Variants in AUTS2 observed in about 807,000 individuals in gnomAD.
AUTS2 encodes the protein activator of transcription and developmental regulator AUTS2, also known as autism susceptibility gene 2 protein.
A neutral mutation model predicts 112.4 loss-of-function variants in AUTS2; 17 were observed. That is an observed-to-expected ratio of 0.15 (90% confidence interval 0.10 to 0.23). AUTS2 has a LOEUF of 0.23. Among genes scored for constraint, AUTS2 ranks in the 10% least tolerant of loss-of-function variants. The pLI is 1.00. For missense variants in AUTS2, 1,510 were observed against 1,701.6 expected (o/e 0.89, Z 1.98); for synonymous variants, 751 against 702.7 (o/e 1.07, Z -1.09).
intron 1 of AUTS2, among the ~76,000 whole-genome samples, chr7:69,718,134 A>G (rs751469214): frequency 1.3e-5 from 2 of 152,220 alleles, no homozygotes. Context: ...CCTATAATAC[A>G]AAGATTATCA....
At chr7:69,886,805 G>GTC (rs1235503417) in intron 1 of AUTS2, among the ~76,000 whole-genome samples, 1 of 150,314 alleles carries the variant, frequency 6.7e-6, no homozygotes, top group Admixed American at 6.7e-5. Context: ...GTGTGTGTGT[G>GTC]TGTGTCAGGG....
At position 70,565,275 on chromosome 7, in the gene AUTS2, A is replaced by G. The variant is rs572531485; in HGVS notation, c.690+129494A>G. Among the ~76,000 whole-genome samples the G allele has an allele frequency of 2.0e-5, 3 of 152,308 alleles. No homozygotes were observed. In the East Asian group the frequency reaches 5.8e-4, roughly 29 times the overall value. On this transcript the variant is annotated intron_variant, in intron 5 of 18. Transcript: ENST00000342771. ...GGAGTAGTGGGAATGGGTAGATGAAATAAGACTGGCCATGAGTTGATAATT... is the reference window on the plus strand; with the variant it reads ...GGAGTAGTGGGAATGGGTAGATGAAGTAAGACTGGCCATGAGTTGATAATT...
chr7:70,315,436 G>A (rs1214025726), intron 4 of AUTS2, among the ~76,000 whole-genome samples: 2 of 152,152 alleles, frequency 1.3e-5, no homozygotes, highest in African/African-American at 4.8e-5. Context: ...TGGTTGTGAG[G>A]ATGAAATTAG....
intron 2 of AUTS2, among the ~76,000 whole-genome samples, chr7:70,085,077 G>A (rs1045654228): frequency 2.6e-5 from 4 of 152,090 alleles, no homozygotes; most frequent in Admixed American, 2.0e-4. Context: ...GGGTTTCACC[G>A]TGTTGCCGTG....
intron 5 of AUTS2, among the ~76,000 whole-genome samples, chr7:70,452,110 G>T (rs529487089): frequency 1.3e-5 from 2 of 152,168 alleles, no homozygotes; most frequent in East Asian, 3.9e-4. Context: ...CTGCTTTTGT[G>T]TTTTTTTGTT....
At position 70,147,979 on chromosome 7, in the gene AUTS2, A is replaced by G. The variant is rs915191590; in HGVS notation, c.660+13408A>G. Among the ~76,000 whole-genome samples, 4 of 152,252 alleles carry G rather than the reference A, an allele frequency of 2.6e-5. No individual in the cohort carries two copies. In the East Asian group the frequency reaches 5.8e-4, roughly 22 times the overall value. Reference sequence around the variant, plus strand: ...CTACCAAGAAGTGATCTCTCTTTCCATCTATGTGGCTGGATTCTGTAAACC... The same window carrying G: ...CTACCAAGAAGTGATCTCTCTTTCCGTCTATGTGGCTGGATTCTGTAAACC... On this transcript the variant is annotated intron_variant, in intron 4 of 18. Transcript: ENST00000342771.
intron 4 of AUTS2, among the ~76,000 whole-genome samples, chr7:70,211,597 C>T (rs541014807): frequency 2.0e-4 from 28 of 138,388 alleles, no homozygotes; most frequent in Admixed American, 6.5e-4. Context: ...TGCAGTGAGC[C>T]GAGATCGCGC....
intron 9 of AUTS2, among the ~76,000 whole-genome samples, chr7:70,767,721 AT>A (rs1397638248): frequency 1.3e-5 from 2 of 152,316 alleles, no homozygotes; most frequent in Admixed American, 6.5e-5. Context: ...TATCTGGATA[AT>A]TGGCTGTTCT....
chr7:70,262,136 G>T (rs1296046421), intron 4 of AUTS2, among the ~76,000 whole-genome samples: 1 of 152,124 alleles, frequency 6.6e-6, no homozygotes, highest in Non-Finnish European at 1.5e-5. Flanking sequence ...TATGGCTATT[G>T]TCTTTAATAA....
chr7:69,637,973 T>A (rs1381310756), intron 1 of AUTS2, among the ~76,000 whole-genome samples: 2 of 152,200 alleles, frequency 1.3e-5, no homozygotes, highest in African/African-American at 4.8e-5. Flanking sequence ...AGAGTGAGAT[T>A]TCAGAAAAAG....
chr7:69,953,371 A>AT (rs1165525768), intron 2 of AUTS2, among the ~76,000 whole-genome samples: 7 of 151,502 alleles, frequency 4.6e-5, no homozygotes, highest in South Asian at 2.1e-4. Context: ...ATTTAGTATG[A>AT]TTTTTTTTTC....
At chr7:69,939,495 G>A (rs1024789263) in intron 2 of AUTS2, among the ~76,000 whole-genome samples, 8 of 152,062 alleles carry the variant, frequency 5.3e-5, no homozygotes, top group Admixed American at 4.6e-4. Context: ...ATCCTGCCAG[G>A]GGATAAACTT....
chr7:69,657,320 T>C (rs973163849), intron 1 of AUTS2, among the ~76,000 whole-genome samples: 2 of 152,212 alleles, frequency 1.3e-5, no homozygotes, highest in Non-Finnish European at 2.9e-5. Context: ...CAGGCAAATA[T>C]TTGAGACTCT....
intron 4 of AUTS2, among the ~76,000 whole-genome samples, chr7:70,260,279 T>C (rs1787097749): frequency 6.6e-6 from 1 of 151,916 alleles, no homozygotes; most frequent in Admixed American, 6.6e-5. Context: ...GACAGGAGAA[T>C]TATGTGAACC....
At chr7:70,099,912 C>T (rs1215964498) in intron 2 of AUTS2, among the ~76,000 whole-genome samples, 1 of 151,874 alleles carries the variant, frequency 6.6e-6, no homozygotes, top group East Asian at 1.9e-4. Context: ...ATATCCATAC[C>T]TCTGATTTGT....
At chr7:70,235,234 A>G (rs1473606639) in intron 4 of AUTS2, among the ~76,000 whole-genome samples, 1 of 152,018 alleles carries the variant, frequency 6.6e-6, no homozygotes, top group African/African-American at 2.4e-5. Context: ...CCTGGGCTCA[A>G]GTGGTCCTTC....
At chr7:69,732,579 A>G (rs1382294485) in intron 1 of AUTS2, among the ~76,000 whole-genome samples, 1 of 151,984 alleles carries the variant, frequency 6.6e-6, no homozygotes, top group African/African-American at 2.4e-5. Context: ...ATTTTCCCCC[A>G]ATTTGATTTC....
At chr7:70,355,419 G>T (rs1023750317) in intron 4 of AUTS2, among the ~76,000 whole-genome samples, 2 of 151,856 alleles carry the variant, frequency 1.3e-5, no homozygotes, top group Non-Finnish European at 1.5e-5. Context: ...GAGGATTATC[G>T]GGGAGGACTT....
At chr7:69,609,716 G>A (rs1023100072) in intron 1 of AUTS2, among the ~76,000 whole-genome samples, 2 of 152,178 alleles carry the variant, frequency 1.3e-5, no homozygotes, top group Admixed American at 6.5e-5. Context: ...AAGGCTCAAC[G>A]AAAATTTTCT....
Sources: gnomAD v4.1 joint callset for allele counts (sites outside exome capture counted in the v4.1 genomes callset) on GRCh38, gnomAD v4.1.1 for gene constraint, MANE v1.5 for transcripts, NCBI Gene and HGNC (gene_info 2026-07-23, HGNC 2026-07-21) for gene names.